CPT1C: variants seen among roughly 807,000 people sequenced by gnomAD.
CPT1C encodes carnitine palmitoyltransferase 1C, also known as palmitoyl thioesterase CPT1C.
In CPT1C, 61 loss-of-function variants were observed where a neutral mutation model predicts 97.3. That is an observed-to-expected ratio of 0.63 (90% CI 0.51 to 0.78). The LOEUF (loss-of-function observed/expected upper bound fraction) is 0.78. CPT1C is among the 30% of genes least tolerant of loss of function. The probability of loss-of-function intolerance (pLI) is 0.00; values close to 1 mark genes in which losing one functional copy is unlikely to be tolerated. For missense variants in CPT1C, 975 were observed against 1,065.5 expected (o/e 0.92, Z 1.18); for synonymous variants, 469 against 447.2 (o/e 1.05, Z -0.61).
At chr19:49,712,903 T>C in intron 18 of CPT1C, 54 bp downstream of exon 18, 3 of 1,588,966 alleles carry the variant, frequency 1.9e-6, no homozygotes, top group Non-Finnish European at 2.6e-6. Context: ...CTGGGGGGCC[T>C]GCACTCCTGC....
intron 3 of CPT1C, among the ~76,000 whole-genome samples, chr19:49,696,004 G>A (rs888582616): frequency 6.6e-6 from 1 of 151,970 alleles, no homozygotes; most frequent in African/African-American, 2.4e-5. Context: ...AGCCTCCTGA[G>A]TAGCTGGGAT....
rs1331155743 is a variant in CPT1C, at chr19:49,713,611, TC to T, written c.*8del. On this transcript the variant is annotated 3_prime_UTR_variant, in exon 20 of 20. Transcript: ENST00000598293. ...TGACATCCACCGACTTCTGACTCCT[TC>T]CAGCAGGCAGCTGGCCTCTCCAAGG... is the stretch of plus-strand genomic sequence containing the variant. 1 of 1,604,582 alleles carries T rather than the reference TC, an allele frequency of 6.2e-7. No homozygotes were observed. The highest frequency in any genetic ancestry group is 1.7e-5 in the Admixed American group (1 of 58,596).
intron 19 of CPT1C, 92 bp from the exon 20 acceptor site, chr19:49,713,328 A>G (rs1177429059): frequency 8.1e-7 from 1 of 1,228,834 alleles, no homozygotes; most frequent in African/African-American, 1.5e-5. Flanking sequence ...CCTCCCTCAG[A>G]CTCAGGAATC....
chr19:49,712,892 G>A, intron 18 of CPT1C, 43 bp downstream of exon 18: 1 of 1,595,878 alleles, frequency 6.3e-7, no homozygotes, highest in Non-Finnish European at 8.6e-7. Context: ...GAAAGAGGGG[G>A]CTGGGGGGCC....
rs905189046 is a variant in CPT1C, at chr19:49,706,681, C to T, written c.1343+268C>T. The stretch of plus-strand genomic sequence containing the variant: ...AGACTCCCAAACCCCTGAGCTGGAC[C>T]CTCCGACCCAGAGAACTCAGCATCA... On this transcript the variant is annotated intron_variant, in intron 12 of 19. Coordinates refer to ENST00000598293, the MANE Select transcript of CPT1C (RefSeq NM_001199753.2). This position sits in a 1 kb window ranked among gnomAD's most constrained non-coding sequence, Gnocchi z 4.8. Among the ~76,000 whole-genome samples, 3 of 152,184 alleles carry T rather than the reference C, an allele frequency of 2.0e-5. No homozygotes were observed. Among genetic ancestry groups the T allele is most frequent in the East Asian group, 1.9e-4 (1 of 5,182 alleles).
intron 6 of CPT1C, 37 bp from the exon 7 acceptor site, chr19:49,701,460 G>T (rs1600079412): frequency 6.3e-7 from 1 of 1,589,766 alleles, no homozygotes; most frequent in East Asian, 2.3e-5. Context: ...CGGCCGGGGC[G>T]GGCCGGGGGC....
chr19:49,707,760 TG>T, intron 13 of CPT1C, 137 bp downstream of exon 13: 1 of 557,912 alleles, frequency 1.8e-6, no homozygotes, highest in South Asian at 2.4e-5. Flanking sequence ...CCCAGCATTT[TG>T]GGAGGCCGAG....
intron 10 of CPT1C, among the ~76,000 whole-genome samples, 159 bp from the exon 11 acceptor site, chr19:49,705,750 C>A (rs78718063): frequency 1.3e-5 from 2 of 152,068 alleles, no homozygotes; most frequent in South Asian, 2.1e-4. Flanking sequence ...CAGAGCGAGA[C>A]CTTGTCTCCA....
chr19:49,710,198 C>G, intron 14 of CPT1C, 122 bp from the exon 15 acceptor site: 1 of 931,812 alleles, frequency 1.1e-6, no homozygotes, highest in Non-Finnish European at 1.7e-6. Flanking sequence ...TTCTTTGTCC[C>G]CATTTCCATA....
intron 7 of CPT1C, among the ~76,000 whole-genome samples, chr19:49,702,681 T>C (rs1324250180): frequency 4.7e-5 from 6 of 127,270 alleles, no homozygotes; most frequent in South Asian, 2.5e-4. Context: ...TGGTGAGGAG[T>C]GGTGGGAGAG....
At position 49,706,391 on chromosome 19, in the gene CPT1C, C is replaced by T; in HGVS notation, c.1321C>T (p.Leu441=). ...GTTGGATGCCTACGCCCATGCTCTG[C>T]TGGCCGGCCGGGGCCATGATCGGTG... ...ASLDAYAHAL[L]AGRGHDRWFD... The change falls in exon 12 of 20, where the codon CTG becomes TTG. Residue 441 remains leucine, a synonymous_variant. Coordinates refer to ENST00000598293, the MANE Select transcript of CPT1C (RefSeq NM_001199753.2). This position sits in a 1 kb window ranked among gnomAD's most constrained non-coding sequence, Gnocchi z 4.8. The T allele has an allele frequency of 6.7e-7, 1 of 1,498,796 alleles. No homozygotes were observed. Among genetic ancestry groups the T allele is most frequent in the Non-Finnish European group, 8.8e-7 (1 of 1,131,634 alleles). The allele number at this position is 1,498,796 out of a possible 1,614,324, so 92.8% of individuals were successfully genotyped here.
intron 8 of CPT1C, 35 bp downstream of exon 8, chr19:49,704,822 G>A (rs1258681043): frequency 6.3e-7 from 1 of 1,592,464 alleles, no homozygotes; most frequent in African/African-American, 1.3e-5. Context: ...ATAGGCCCCA[G>A]GTCTAGGGTT....
chr19:49,705,274 A>C lies in CPT1C; in HGVS notation c.940A>C (p.Thr314Pro), dbSNP rs755953110. ...SAQYEKIFNTTRIPGVQKDYI... is the reference protein window; with the variant it reads ...SAQYEKIFNTPRIPGVQKDYI... ...CCAGTACGAGAAGATCTTCAACACC[A>C]CGCGGATTCCAGGGGTCCAAAAAGG... is the stretch of plus-strand genomic sequence containing the variant. The change falls in exon 10 of 20, where the codon ACG becomes CCG. Residue 314 changes from threonine to proline, a missense_variant. Coordinates refer to ENST00000598293, the MANE Select transcript of CPT1C (RefSeq NM_001199753.2). 40 of 1,603,248 alleles carry C rather than the reference A, an allele frequency of 2.5e-5. No individual in the cohort carries two copies. Among genetic ancestry groups the C allele is most frequent in the Non-Finnish European group, 3.2e-5 (37 of 1,171,710 alleles).
Position 49,707,546 on chromosome 19 carries a change from G to T in CPT1C, c.1372G>T (p.Val458Phe), listed in dbSNP as rs541790503. The change falls in exon 13 of 20, where the codon GTC becomes TTC. Residue 458 changes from valine to phenylalanine, a missense_variant. Val to Phe is a conservative substitution (Grantham distance 50). Transcript: ENST00000598293. ...RWFDKSFTLI[V>F]FSNGKLGLSV... ...GTTTGACAAATCCTTCACCCTAATC[G>T]TCTTCTCTAACGGGAAGCTGGGCCT... 2.5e-6 allele frequency: 4 copies of T among 1,613,588 alleles called. No homozygotes were observed. The highest frequency in any genetic ancestry group is 1.1e-5 in the South Asian group (1 of 91,050).
rs763102743 is a variant in CPT1C, at chr19:49,712,964, G to T, written c.2134-8G>T. On this transcript the variant is annotated splice_polypyrimidine_tract_variant and splice_region_variant and intron_variant, in intron 18 of 19. Coordinates refer to ENST00000598293, the MANE Select transcript of CPT1C (RefSeq NM_001199753.2). ...CTATTTTCTTCCCTTCACTCTTTCC[G>T]TCTCCAGGCTGATGACCATGGTTAT... 1 of 1,613,060 alleles carries T rather than the reference G, an allele frequency of 6.2e-7. No homozygotes were observed. The highest frequency in any genetic ancestry group is 1.3e-5 in the African/African-American group (1 of 74,860).
intron 3 of CPT1C, among the ~76,000 whole-genome samples, chr19:49,695,754 T>C (rs1461606206): frequency 2.6e-5 from 4 of 152,072 alleles, no homozygotes; most frequent in Admixed American, 2.0e-4. Context: ...AAGCTAATTT[T>C]GTATTTTTAG....
rs777538460 is a variant in CPT1C, at chr19:49,705,060, C to T, written c.825C>T (p.Ala275=). 26 of 1,612,094 alleles carry T rather than the reference C, an allele frequency of 1.6e-5. No individual in the cohort carries two copies. The highest frequency in any genetic ancestry group is 4.5e-5 in the East Asian group (2 of 44,820). ...TPLQAARAGN[A]VHALLLYRHR... is the part of the protein sequence containing the mutation. ...TGCAGGCAGCTCGCGCTGGGAATGCCGTCCATGCCCTCCTCCTGTACCGCC... is the reference window on the plus strand; with the variant it reads ...TGCAGGCAGCTCGCGCTGGGAATGCTGTCCATGCCCTCCTCCTGTACCGCC... The change falls in exon 9 of 20, where the codon GCC becomes GCT. Residue 275 remains alanine, a synonymous_variant. Coordinates refer to ENST00000598293, the MANE Select transcript of CPT1C (RefSeq NM_001199753.2).
rs773593581 is a variant in CPT1C at position 49,705,923 on chromosome 19, C to T, written c.979C>T (p.Leu327Phe). 1 of 1,613,740 alleles carries T rather than the reference C, an allele frequency of 6.2e-7. No individual in the cohort carries two copies. Among genetic ancestry groups the T allele is most frequent in the Non-Finnish European group, 8.5e-7 (1 of 1,179,828 alleles). Residue 327 changes from leucine (L) to phenylalanine (F), a missense_variant, in exon 11 of 20, where the codon CTC becomes TTC. Around this residue, in one of 3 missense-constraint regions of CPT1C, gnomAD observed 596 missense variants for 603.1 expected, o/e 0.99. Coordinates refer to ENST00000598293, the MANE Select transcript of CPT1C (RefSeq NM_001199753.2). ...PGVQKDYIRH[L>F]HDSQHVAVFH... ...GCCACCCCTAGACTACATCCGCCAC[C>T]TCCATGACAGCCAACACGTGGCTGT...
In CPT1C at chr19:49,700,716, T is replaced by A; in HGVS notation, c.314T>A (p.Leu105Gln). ...GGQHHGLRGV[L>Q]AAALFASCLW... ...CAACACCACGGGCTCCGGGGGGTCCTGGCAGCCGCGCTGTTTGCCTCGTGT... is the reference window on the plus strand; with the variant it reads ...CAACACCACGGGCTCCGGGGGGTCCAGGCAGCCGCGCTGTTTGCCTCGTGT... The change falls in exon 5 of 20, where the codon CTG (leucine) becomes CAG (glutamine). Residue 105 changes from leucine to glutamine, a missense_variant. Physicochemically the swap from Leu to Gln is moderately radical, Grantham distance 113. Coordinates refer to ENST00000598293, the MANE Select transcript of CPT1C (RefSeq NM_001199753.2). 6.2e-7 allele frequency: 1 copy of A among 1,611,306 alleles called. No individual in the cohort carries two copies.
Sources: gnomAD v4.1 joint callset for allele counts (sites outside exome capture counted in the v4.1 genomes callset) on GRCh38, gnomAD v4.1.1 for gene constraint, gnomAD v4.1.1 regional missense constraint, Gnocchi (gnomAD v3.1) non-coding constraint, MANE v1.5 for transcripts, NCBI Gene and HGNC (gene_info 2026-07-23, HGNC 2026-07-21) for gene names.